The following ANKFN1 variants were observed in gnomAD, a reference collection of about 807,000 sequenced individuals.
ANKFN1 encodes the protein ankyrin repeat and fibronectin type-III domain-containing protein 1.
Under a neutral mutation model 108.7 loss-of-function variants are expected in ANKFN1, and 74 were observed. The ratio of observed to expected loss-of-function variants is 0.68; its 90% CI spans 0.56 to 0.83. ANKFN1 has a LOEUF of 0.83. Ranked by LOEUF, ANKFN1 falls within the 40% of genes least tolerant of loss-of-function variation. The pLI is 0.00. For missense variants in ANKFN1, 1,505 were observed against 1,382.3 expected, an observed-to-expected ratio of 1.09 and a Z score of -1.41; for synonymous variants, 547 against 516.2, an observed-to-expected ratio of 1.06 and a Z score of -0.81.
At chr17:56,134,927 G>C (rs1907508434) in intron 4 of ANKFN1, among the ~76,000 whole-genome samples, 5 of 152,046 alleles carry the variant, frequency 3.3e-5, no homozygotes, top group Admixed American at 3.3e-4. Context: ...GGACTCTTTG[G>C]GTAAAGTTGT....
At chr17:56,196,640 C>A (rs796182814) in intron 1 of ANKFN1, among the ~76,000 whole-genome samples, 2 of 152,220 alleles carry the variant, frequency 1.3e-5, no homozygotes, top group African/African-American at 4.8e-5. Context: ...ACTCAGGAGG[C>A]TGAGGTGGGA....
chr17:56,364,826 T>A (rs1348509448), intron 6 of ANKFN1, among the ~76,000 whole-genome samples: 1 of 152,196 alleles, frequency 6.6e-6, no homozygotes, highest in African/African-American at 2.4e-5. Flanking sequence ...GAGAAGAAAG[T>A]TTCACAGTCA....
At chr17:56,370,411 G>C (rs1017426987) in intron 6 of ANKFN1, among the ~76,000 whole-genome samples, 2 of 152,196 alleles carry the variant, frequency 1.3e-5, no homozygotes, top group East Asian at 1.9e-4. Context: ...ATTCACACCA[G>C]TAATAACTGT....
chr17:56,063,536 G>A (rs142055277), intron 4 of ANKFN1, among the ~76,000 whole-genome samples: 3,133 of 151,036 alleles, frequency 0.021, 97 homozygotes, highest in African/African-American at 0.072. Flanking sequence ...CTGCTTGGTC[G>A]ATTTGGCTAT....
chr17:56,144,238 C>T (rs1908120994), intron 4 of ANKFN1, among the ~76,000 whole-genome samples: 1 of 148,454 alleles, frequency 6.7e-6, no homozygotes, highest in African/African-American at 2.5e-5. Flanking sequence ...ATTCTCTCTA[C>T]AGCAGGAGGA....
chr17:56,401,455 G>A (rs2144934662), intron 8 of ANKFN1, among the ~76,000 whole-genome samples: 1 of 151,964 alleles, frequency 6.6e-6, no homozygotes, highest in South Asian at 2.1e-4. Context: ...TATTGTAAAA[G>A]GGGTTGAGTT....
At chr17:56,177,765 C>A (rs1911306151) in intron 1 of ANKFN1, among the ~76,000 whole-genome samples, 1 of 152,080 alleles carries the variant, frequency 6.6e-6, no homozygotes, top group African/African-American at 2.4e-5. Flanking sequence ...GCCTAAGCTC[C>A]TAATTTTACT....
At chr17:56,400,645 G>C (rs1361652917) in intron 8 of ANKFN1, among the ~76,000 whole-genome samples, 1 of 152,062 alleles carries the variant, frequency 6.6e-6, no homozygotes, top group Non-Finnish European at 1.5e-5. Context: ...TTGGGTTCCT[G>C]GTCATGAAAT....
intron 8 of ANKFN1, among the ~76,000 whole-genome samples, chr17:56,382,378 C>A (rs904822329): frequency 3.3e-5 from 5 of 152,102 alleles, no homozygotes; most frequent in African/African-American, 1.2e-4. Flanking sequence ...CAAAATCATG[C>A]CAAATTGTAA....
Position 56,353,816 on chromosome 17 carries a change from C to T in ANKFN1, c.391-20C>T, listed in dbSNP as rs1187555124. 6.2e-7 allele frequency: 1 copy of T among 1,611,710 alleles called. No homozygotes were observed. Among genetic ancestry groups the T allele is most frequent in the Middle Eastern group, 1.7e-4 (1 of 5,954 alleles). The stretch of plus-strand genomic sequence containing the variant: ...CACTGGTTTAAGAAATTGTGCTGAT[C>T]TACTTTTGCTCCTCTCTAGAATTTC... On this transcript the variant is annotated intron_variant, in intron 5 of 20. Transcript: ENST00000682825.
At chr17:56,279,872 A>G (rs1956600072) in intron 3 of ANKFN1, among the ~76,000 whole-genome samples, 1 of 152,214 alleles carries the variant, frequency 6.6e-6, no homozygotes, top group East Asian at 1.9e-4. Context: ...AAATATGAGC[A>G]CTAAACCAGT....
intron 3 of ANKFN1, among the ~76,000 whole-genome samples, chr17:56,256,130 A>T (rs1414551702): frequency 6.6e-6 from 1 of 152,226 alleles, no homozygotes; most frequent in Non-Finnish European, 1.5e-5. Flanking sequence ...TTCATTTTCT[A>T]GCAATGTACA....
chr17:56,422,828 T>C (rs1488871940), intron 8 of ANKFN1, among the ~76,000 whole-genome samples: 1 of 152,248 alleles, frequency 6.6e-6, no homozygotes, highest in African/African-American at 2.4e-5. Flanking sequence ...ATAAAGAAGA[T>C]GGCCAAAGCC....
At chr17:56,054,877 C>A (rs1200302676) in intron 4 of ANKFN1, among the ~76,000 whole-genome samples, 1 of 152,020 alleles carries the variant, frequency 6.6e-6, no homozygotes, top group Admixed American at 6.6e-5. Flanking sequence ...CAGAGCAAGA[C>A]CCTGTCTCAA....
At position 56,513,100 on chromosome 17, in the gene ANKFN1, G is replaced by A. The variant is rs2051821668; in HGVS notation, c.*1831G>A. Among the ~76,000 whole-genome samples, 1 of 152,194 alleles carries A rather than the reference G, an allele frequency of 6.6e-6. No homozygotes were observed. Among genetic ancestry groups the A allele is most frequent in the Admixed American group, 6.5e-5 (1 of 15,282 alleles). ...AAGACCCAGAGAGGTTAAGTAACAT[G>A]CTCAAGGTCACGGAGCTGGTTTAGT... On this transcript the variant is annotated 3_prime_UTR_variant, in exon 21 of 21. Coordinates refer to ENST00000682825, the MANE Select transcript of ANKFN1 (RefSeq NM_001370326.1).
intron 4 of ANKFN1, among the ~76,000 whole-genome samples, chr17:56,095,706 C>T (rs1470817768): frequency 1.3e-5 from 2 of 152,170 alleles, no homozygotes; most frequent in East Asian, 3.9e-4. Flanking sequence ...GAGCGCAAAG[C>T]ATGTTGAGTT....
chr17:56,249,572 A>G (rs894763658), intron 3 of ANKFN1, among the ~76,000 whole-genome samples: 4 of 152,244 alleles, frequency 2.6e-5, no homozygotes, highest in Non-Finnish European at 1.5e-5. Flanking sequence ...AAGTCCCAGA[A>G]TAGCCAAGAC....
intron 3 of ANKFN1, among the ~76,000 whole-genome samples, chr17:56,290,513 C>G (rs1448439539): frequency 6.6e-6 from 1 of 152,004 alleles, no homozygotes; most frequent in East Asian, 1.9e-4. Flanking sequence ...GTGATTTAAC[C>G]TTCTCTTAAC....
chr17:56,476,736 GA>G (rs1020516282), intron 15 of ANKFN1, among the ~76,000 whole-genome samples: 17 of 151,918 alleles, frequency 1.1e-4, no homozygotes, highest in Admixed American at 5.9e-4. Context: ...AAGATGCCTG[GA>G]AAAAAATGTG....
Sources: gnomAD v4.1 joint callset for allele counts (sites outside exome capture counted in the v4.1 genomes callset) on GRCh38, gnomAD v4.1.1 for gene constraint, MANE v1.5 for transcripts, NCBI Gene and HGNC (gene_info 2026-07-23, HGNC 2026-07-21) for gene names.